PTPRD: variants seen among roughly 807,000 people sequenced by gnomAD.
PTPRD encodes the protein receptor-type tyrosine-protein phosphatase delta.
PTPRD carries 34 observed loss-of-function variants against 214.5 expected under a neutral mutation model. The ratio of observed to expected loss-of-function variants is 0.16; its 90% CI spans 0.12 to 0.21. PTPRD has a LOEUF of 0.21. Ranked by LOEUF, PTPRD falls within the 10% of genes least tolerant of loss-of-function variation. PTPRD has a pLI of 1.00. For synonymous variants in PTPRD, 1,128 were observed against 845.7 expected, an observed-to-expected ratio of 1.33 and a Z score of -5.79; for missense variants, 2,545 against 2,398.7, an observed-to-expected ratio of 1.06 and a Z score of -1.27.
At chr9:8,893,549 T>G (rs1342587712) in intron 11 of PTPRD, among the ~76,000 whole-genome samples, 1 of 152,190 alleles carries the variant, frequency 6.6e-6, no homozygotes, top group Non-Finnish European at 1.5e-5. Context: ...TCTGACAATT[T>G]CAAGTGTTGG....
intron 8 of PTPRD, among the ~76,000 whole-genome samples, chr9:9,529,354 A>G (rs1360925342): frequency 1.3e-5 from 2 of 152,178 alleles, no homozygotes; most frequent in Non-Finnish European, 2.9e-5. Flanking sequence ...AAGGCAAGCC[A>G]AACTAAGGCT....
chr9:9,888,810 GGAAGACAAAGAGTATT>G (rs1431437753), intron 5 of PTPRD, among the ~76,000 whole-genome samples: 1 of 152,018 alleles, frequency 6.6e-6, no homozygotes, highest in African/African-American at 2.4e-5. Context: ...AGACAGATAG[GGAAGACAAAGAGTATT>G]GTAGAGAAAC....
chr9:10,558,693 G>A (rs1008923581), intron 2 of PTPRD, among the ~76,000 whole-genome samples: 1 of 151,880 alleles, frequency 6.6e-6, no homozygotes, highest in Non-Finnish European at 1.5e-5. Flanking sequence ...TTTTATTTTT[G>A]TATTGCAAGT....
chr9:8,398,766 C>G (rs2091797141), intron 36 of PTPRD, among the ~76,000 whole-genome samples: 2 of 152,172 alleles, frequency 1.3e-5, no homozygotes, highest in African/African-American at 4.8e-5. Context: ...AGTGGACAGA[C>G]TGGGCCCTCA....
intron 30 of PTPRD, among the ~76,000 whole-genome samples, chr9:8,481,989 G>A (rs1384642803): frequency 6.6e-6 from 1 of 151,742 alleles, no homozygotes; most frequent in Non-Finnish European, 1.5e-5. Flanking sequence ...TGCCATTTTG[G>A]TCAGTCTGGT....
chr9:8,533,726 A>C (rs964929919), intron 14 of PTPRD, among the ~76,000 whole-genome samples: 7 of 152,022 alleles, frequency 4.6e-5, no homozygotes, highest in Non-Finnish European at 8.8e-5. Context: ...TTACAAGCTC[A>C]CAGGAGGGCA....
At chr9:8,636,940 G>A (rs192462018) in intron 12 of PTPRD, 96 bp from the exon 13 acceptor site, 132 of 1,211,916 alleles carry the variant, frequency 1.1e-4, no homozygotes, top group South Asian at 1.6e-4. Context: ...CAACCACACC[G>A]CCATCAAGAC....
At chr9:10,576,896 C>A (rs73396285) in intron 2 of PTPRD, among the ~76,000 whole-genome samples, 2 of 151,970 alleles carry the variant, frequency 1.3e-5, no homozygotes, top group African/African-American at 2.4e-5. Flanking sequence ...TAATTGCCAA[C>A]ACTCACCCTT....
chr9:10,139,030 G>T (rs1395874370), intron 3 of PTPRD, among the ~76,000 whole-genome samples: 1 of 152,002 alleles, frequency 6.6e-6, no homozygotes, highest in Non-Finnish European at 1.5e-5. Flanking sequence ...AGTATTGGAA[G>T]TCCTAGCCAG....
At chr9:8,478,953 C>T (rs1017403044) in intron 30 of PTPRD, among the ~76,000 whole-genome samples, 41 of 152,282 alleles carry the variant, frequency 2.7e-4, no homozygotes, top group Admixed American at 2.7e-3. Context: ...ACCAAAACTG[C>T]ATTTTGCTTG....
intron 2 of PTPRD, among the ~76,000 whole-genome samples, chr9:10,567,314 T>C (rs978919818): frequency 2.6e-5 from 4 of 152,140 alleles, no homozygotes; most frequent in Non-Finnish European, 5.9e-5. Flanking sequence ...AAAAAATCTA[T>C]CACATATTCA....
At chr9:9,083,896 G>C (rs1035451300) in intron 10 of PTPRD, among the ~76,000 whole-genome samples, 1 of 152,090 alleles carries the variant, frequency 6.6e-6, no homozygotes, top group African/African-American at 2.4e-5. Context: ...TAAAAAGTCA[G>C]GAAACAACAG....
intron 10 of PTPRD, among the ~76,000 whole-genome samples, chr9:9,093,334 T>C (rs1176398999): frequency 6.6e-6 from 1 of 152,092 alleles, no homozygotes; most frequent in Non-Finnish European, 1.5e-5. Context: ...GTCAACTTGA[T>C]GTAATTAGTA....
intron 9 of PTPRD, among the ~76,000 whole-genome samples, chr9:9,292,371 A>C (rs560152965): frequency 6.6e-6 from 1 of 151,482 alleles, no homozygotes. Context: ...TTTCCCATTT[A>C]CCATTAGGTG....
chr9:9,200,213 C>T (rs941402623), intron 9 of PTPRD, among the ~76,000 whole-genome samples: 1 of 152,204 alleles, frequency 6.6e-6, no homozygotes. Flanking sequence ...GTTTAGAAAG[C>T]AGAAATCAGA....
At chr9:9,504,463 T>A (rs1177014905) in intron 8 of PTPRD, among the ~76,000 whole-genome samples, 2 of 151,576 alleles carry the variant, frequency 1.3e-5, no homozygotes, top group Admixed American at 1.3e-4. Context: ...CCAACACACA[T>A]TTACTATGGT....
chr9:8,620,632 AATCC>A (rs1231252072), intron 14 of PTPRD, among the ~76,000 whole-genome samples: 124 of 152,082 alleles, frequency 8.2e-4, no homozygotes, highest in African/African-American at 2.3e-3. Context: ...GGTGGCAGGG[AATCC>A]TGTGTAATGT....
chr9:9,563,258 C>T (rs1013067946), intron 8 of PTPRD, among the ~76,000 whole-genome samples: 3 of 152,088 alleles, frequency 2.0e-5, no homozygotes, highest in Non-Finnish European at 4.4e-5. Flanking sequence ...GAATCCATGG[C>T]TTAGGTGCGC....
At chr9:9,601,569 T>C (rs886570331) in intron 7 of PTPRD, among the ~76,000 whole-genome samples, 1 of 152,090 alleles carries the variant, frequency 6.6e-6, no homozygotes, top group Admixed American at 6.6e-5. Flanking sequence ...GATATTTAGA[T>C]CAGCAATTCA....
Sources: gnomAD v4.1 joint callset for allele counts (sites outside exome capture counted in the v4.1 genomes callset) on GRCh38, gnomAD v4.1.1 for gene constraint, MANE v1.5 for transcripts, NCBI Gene and HGNC (gene_info 2026-07-23, HGNC 2026-07-21) for gene names.